The following MYRIP variants were observed in gnomAD, a reference collection of about 807,000 sequenced individuals.
MYRIP encodes myosin VIIA and Rab interacting protein, also known as rab effector MyRIP.
MYRIP carries 49 observed loss-of-function variants against 98.0 expected under a neutral mutation model. That is an observed-to-expected ratio of 0.50 (90% CI 0.40 to 0.63). The LOEUF is 0.63. Among genes scored for constraint, MYRIP ranks in the 30% least tolerant of loss-of-function variants. MYRIP has a pLI of 0.00. For missense variants in MYRIP, 1,004 were observed against 1,058.2 expected, an observed-to-expected ratio of 0.95 and a Z score of 0.71; for synonymous variants, 404 against 409.5, an observed-to-expected ratio of 0.99 and a Z score of 0.16.
At chr3:40,248,335 A>G (rs1460992251) in intron 13 of MYRIP, 1 of 152,244 alleles carries the variant, frequency 6.6e-6, no homozygotes, top group Non-Finnish European at 1.5e-5. Context: ...AACTCCTAGT[A>G]TCAGGAAAAG....
At chr3:40,109,309 G>A (rs942998779) in intron 3 of MYRIP, among the ~76,000 whole-genome samples, 5 of 152,218 alleles carry the variant, frequency 3.3e-5, no homozygotes, top group African/African-American at 1.2e-4. Flanking sequence ...TAGTGACTGA[G>A]AGAGGATTGA....
At chr3:40,225,094 A>G (rs1329184939) in intron 11 of MYRIP, among the ~76,000 whole-genome samples, 3 of 152,226 alleles carry the variant, frequency 2.0e-5, no homozygotes, top group African/African-American at 7.2e-5. Context: ...CATTTGGACA[A>G]ACTTTCTTGC....
At chr3:39,931,799 C>T (rs4525800) in intron 2 of MYRIP, among the ~76,000 whole-genome samples, 56,376 of 151,974 alleles carry the variant, frequency 0.37, 10,779 homozygotes, top group East Asian at 0.46. Flanking sequence ...ATTAATATAG[C>T]GTACAATTCA....
upstream of MYRIP, among the ~76,000 whole-genome samples, chr3:39,809,156 A>G (rs1196708932): frequency 6.6e-6 from 1 of 152,138 alleles, no homozygotes; most frequent in Non-Finnish European, 1.5e-5. Flanking sequence ...AGATTCAGGC[A>G]GGCCCCGGAT....
At chr3:40,252,043 ATGGT>A in intron 16 of MYRIP, 44 bp downstream of exon 16, 1 of 1,420,352 alleles carries the variant, frequency 7.0e-7, no homozygotes, top group Non-Finnish European at 9.9e-7. Flanking sequence ...TTCACTGTTG[ATGGT>A]ACCTCCACTC....
chr3:40,069,867 G>A (rs1559387358), intron 3 of MYRIP, among the ~76,000 whole-genome samples: 1 of 152,162 alleles, frequency 6.6e-6, no homozygotes, highest in Non-Finnish European at 1.5e-5. Flanking sequence ...CTGAGCTTTT[G>A]TGGAGCCAGT....
intron 2 of MYRIP, among the ~76,000 whole-genome samples, chr3:40,042,290 A>T (rs1009361260): frequency 2.0e-4 from 5 of 25,190 alleles, no homozygotes; most frequent in South Asian, 3.3e-3. Context: ...TGGAAGGATA[A>T]AAAAAAAAAA....
Position 39,976,812 on chromosome 3 carries a change from C to T in MYRIP, c.111-67238C>T, listed in dbSNP as rs189929123. Among the ~76,000 whole-genome samples, 39 of 152,162 alleles carry T rather than the reference C, an allele frequency of 2.6e-4. No homozygotes were observed. The East Asian group carries it at 7.0e-3, about 27-fold the overall frequency. On this transcript the variant is annotated intron_variant, in intron 2 of 16. Coordinates refer to ENST00000302541, the MANE Select transcript of MYRIP (RefSeq NM_015460.4). ...ATCACAAGGACAAAAAACCAAACAC[C>T]GCATGTTCTCACTCATAGGTAGAAA... is the stretch of plus-strand genomic sequence containing the variant.
At chr3:39,971,568 T>C (rs1311784588) in intron 2 of MYRIP, among the ~76,000 whole-genome samples, 1 of 152,052 alleles carries the variant, frequency 6.6e-6, no homozygotes, top group Non-Finnish European at 1.5e-5. Flanking sequence ...CTGTTGTCCT[T>C]GCACAAAAGA....
chr3:40,192,309 C>CATATATATATGACACATATATATAT (rs1322376887), intron 10 of MYRIP, among the ~76,000 whole-genome samples: 1 of 57,954 alleles, frequency 1.7e-5, no homozygotes, highest in Non-Finnish European at 2.8e-5. Context: ...TAGTTTTCTT[C>CATATATATATGACACATATATATAT]ATATATATAT....
In MYRIP at chr3:39,923,657, T is replaced by C. The variant is rs1361228598; in HGVS notation, c.110+22731T>C. Among the ~76,000 whole-genome samples the C allele has an allele frequency of 1.3e-5, 2 of 152,090 alleles. 1 individual carries two copies. The highest frequency in any genetic ancestry group is 1.3e-4 in the Admixed American group (2 of 15,262). On this transcript the variant is annotated intron_variant, in intron 2 of 16. Coordinates refer to ENST00000302541, the MANE Select transcript of MYRIP (RefSeq NM_015460.4). ...CAGGAGACCTTTGCTAAGGAAGTGA[T>C]AACAGAAGAAATCCTAGAACATCAA... is the stretch of plus-strand genomic sequence containing the variant.
intron 2 of MYRIP, among the ~76,000 whole-genome samples, chr3:39,960,450 A>G (rs1326670593): frequency 6.6e-6 from 1 of 152,122 alleles, no homozygotes; most frequent in Non-Finnish European, 1.5e-5. Flanking sequence ...TTTTGCTAAT[A>G]ATTGTTCTTT....
intron 2 of MYRIP, among the ~76,000 whole-genome samples, chr3:39,988,933 T>C (rs932329875): frequency 5.9e-5 from 9 of 152,064 alleles, no homozygotes; most frequent in Non-Finnish European, 1.0e-4. Flanking sequence ...TCAAGGGTTT[T>C]GGCTTCTTTG....
intron 3 of MYRIP, among the ~76,000 whole-genome samples, chr3:40,126,793 T>C (rs1445631527): frequency 2.0e-5 from 3 of 152,122 alleles, no homozygotes. Flanking sequence ...TTCCTAAGAG[T>C]TGAGTCTCAC....
chr3:40,257,299 G>A (rs143076123), intron 16 of MYRIP, among the ~76,000 whole-genome samples: 1 of 152,320 alleles, frequency 6.6e-6, no homozygotes, highest in East Asian at 1.9e-4. Context: ...TCCAGCCTGA[G>A]CAACAGAGTG....
chr3:39,957,832 C>G (rs943906361), intron 2 of MYRIP, among the ~76,000 whole-genome samples: 7 of 152,198 alleles, frequency 4.6e-5, no homozygotes, highest in Non-Finnish European at 7.3e-5. Context: ...TCAGCAAAGT[C>G]TCAGGATACA....
At chr3:40,058,320 T>A (rs1274153930) in intron 3 of MYRIP, among the ~76,000 whole-genome samples, 2 of 152,156 alleles carry the variant, frequency 1.3e-5, no homozygotes, top group African/African-American at 4.8e-5. Flanking sequence ...TAAACTTAAG[T>A]GTGTATTACT....
rs377365987 is a variant in MYRIP, at chr3:39,943,477, C to T, written c.110+42551C>T. 4.5e-4 allele frequency among the ~76,000 whole-genome samples: 68 copies of T among 152,140 alleles called. 3 individuals carry two copies. The highest frequency in any genetic ancestry group is 1.6e-3 in the African/African-American group (66 of 41,542). On this transcript the variant is annotated intron_variant, in intron 2 of 16. Coordinates refer to ENST00000302541, the MANE Select transcript of MYRIP (RefSeq NM_015460.4). Reference sequence around the variant, plus strand: ...GATTCTGAGCTGATGATAGCTGACCCAGGGTGGGCTTGGGATATCATGACT... The same window carrying T: ...GATTCTGAGCTGATGATAGCTGACCTAGGGTGGGCTTGGGATATCATGACT...
At chr3:40,242,179 T>C (rs926625415) in intron 12 of MYRIP, 2 of 152,154 alleles carry the variant, frequency 1.3e-5, no homozygotes, top group Admixed American at 1.3e-4. Flanking sequence ...ATTATAATAG[T>C]CTCTACCTCA....
Sources: gnomAD v4.1 joint callset for allele counts (sites outside exome capture counted in the v4.1 genomes callset) on GRCh38, gnomAD v4.1.1 for gene constraint, MANE v1.5 for transcripts, NCBI Gene and HGNC (gene_info 2026-07-23, HGNC 2026-07-21) for gene names.